CPNE2: variants seen among roughly 807,000 people sequenced by gnomAD.
The protein encoded by CPNE2 is copine-2.
CPNE2 carries 42 observed loss-of-function variants against 69.7 expected under a neutral mutation model. The ratio of observed to expected loss-of-function variants is 0.60; its 90% CI spans 0.47 to 0.78. CPNE2 has a LOEUF of 0.78. Ranked by LOEUF, CPNE2 falls within the 30% of genes least tolerant of loss-of-function variation. The pLI is 0.00. For synonymous variants in CPNE2, 294 were observed against 289.8 expected (o/e 1.01, Z -0.15); for missense variants, 587 against 732.0 (o/e 0.80, Z 2.29).
intron 12 of CPNE2, among the ~76,000 whole-genome samples, chr16:57,133,856 A>G (rs2069856718): frequency 6.6e-6 from 1 of 151,998 alleles, no homozygotes; most frequent in Non-Finnish European, 1.5e-5. Context: ...GTTGTGAGGA[A>G]GGAGTAAGGG....
At chr16:57,126,277 A>G (rs533098080) in intron 11 of CPNE2, among the ~76,000 whole-genome samples, 1 of 152,186 alleles carries the variant, frequency 6.6e-6, no homozygotes, top group African/African-American at 2.4e-5. Context: ...CTCATTCATT[A>G]TTGCTGCATC....
intron 14 of CPNE2, among the ~76,000 whole-genome samples, chr16:57,145,387 G>A (rs2069949730): frequency 6.6e-6 from 1 of 152,218 alleles, no homozygotes; most frequent in Admixed American, 6.5e-5. Flanking sequence ...CTCTTCCGGG[G>A]TGACTTGATG....
Position 57,147,718 on chromosome 16 carries a change from A to G in CPNE2, c.*60A>G. The G allele has an allele frequency of 8.7e-7, 1 of 1,146,630 alleles. No individual in the cohort carries two copies. Among genetic ancestry groups the G allele is most frequent in the Non-Finnish European group, 1.2e-6 (1 of 817,818 alleles). 71.0% of individuals were successfully genotyped at this position (1,146,630 alleles called of 1,614,324 possible). A position where few individuals can be genotyped will look rare whatever the true frequency, so the allele number is the denominator to read the frequency against. Reference sequence around the variant, plus strand: ...CTCCTGCCCTCCCCCAGGAACATGCACGCTCACTCTGCTTCCTTGTGGGTG... The same window carrying G: ...CTCCTGCCCTCCCCCAGGAACATGCGCGCTCACTCTGCTTCCTTGTGGGTG... On this transcript the variant is annotated 3_prime_UTR_variant, in exon 16 of 16. Coordinates refer to ENST00000290776, the MANE Select transcript of CPNE2 (RefSeq NM_152727.6).
chr16:57,128,059 T>C (rs1055197277), intron 12 of CPNE2, among the ~76,000 whole-genome samples, 156 bp downstream of exon 12: 7 of 152,188 alleles, frequency 4.6e-5, no homozygotes, highest in Admixed American at 4.6e-4. Flanking sequence ...AGCCTGATCC[T>C]TGGGCAGGCA....
intron 1 of CPNE2, among the ~76,000 whole-genome samples, chr16:57,093,236 C>T (rs2069555863): frequency 6.6e-6 from 1 of 152,074 alleles, no homozygotes; most frequent in African/African-American, 2.4e-5. Flanking sequence ...AACACCCACC[C>T]CCTGCCCCAG....
At chr16:57,123,342 T>C (rs2069776480) in intron 9 of CPNE2, 72 bp from the exon 10 acceptor site, 1 of 1,513,854 alleles carries the variant, frequency 6.6e-7, no homozygotes, top group African/African-American at 1.4e-5. Flanking sequence ...TTGCAGGACA[T>C]AGAGCAACAA....
intron 12 of CPNE2, 117 bp from the exon 13 acceptor site, chr16:57,134,658 G>A (rs1349217391): frequency 2.9e-6 from 3 of 1,035,040 alleles, no homozygotes; most frequent in African/African-American, 3.1e-5. Flanking sequence ...GAGGAGGGTA[G>A]GGGTGGGGGT....
At position 57,147,977 on chromosome 16, in the gene CPNE2, C is replaced by A; in HGVS notation, c.*319C>A. ...TTTTTACAATCATAACTGGCTTTTT[C>A]CAAGTAACTAGCTGCAGACTCTGAT... is the stretch of plus-strand genomic sequence containing the variant. On this transcript the variant is annotated 3_prime_UTR_variant, in exon 16 of 16. Coordinates refer to ENST00000290776, the MANE Select transcript of CPNE2 (RefSeq NM_152727.6). 4.2e-6 allele frequency: 1 copy of A among 235,684 alleles called. No individual in the cohort carries two copies. The highest frequency in any genetic ancestry group is 2.2e-5 in the African/African-American group (1 of 44,632). The allele number at this position is 235,684 out of a possible 1,614,324, so 14.6% of individuals were successfully genotyped here.
chr16:57,134,270 G>C (rs1294732836), intron 12 of CPNE2, among the ~76,000 whole-genome samples: 3 of 152,202 alleles, frequency 2.0e-5, no homozygotes, highest in Admixed American at 6.5e-5. Flanking sequence ...CGCCAGGTCA[G>C]CTCTGAGTGG....
chr16:57,110,692 A>T lies in CPNE2; in HGVS notation c.-35-16A>T. The T allele has an allele frequency of 6.8e-7, 1 of 1,477,418 alleles. No individual in the cohort carries two copies. Among genetic ancestry groups the T allele is most frequent in the Non-Finnish European group, 9.1e-7 (1 of 1,104,606 alleles). The allele number at this position is 1,477,418 out of a possible 1,614,324, so 91.5% of individuals were successfully genotyped here. A position where few individuals can be genotyped will look rare whatever the true frequency, so the allele number is the denominator to read the frequency against. ...GGTGTCTGTCCACTCTCTGACCCTC[A>T]CTTCTGTTCCCCTAGACTGCCAGGA... On this transcript the variant is annotated splice_polypyrimidine_tract_variant and intron_variant, in intron 1 of 15. Transcript: ENST00000290776.
Position 57,098,482 on chromosome 16 carries a change from G to T in CPNE2, c.-36+5692G>T, listed in dbSNP as rs557221369. ...AGGGCCCCAGAGAATAAGGCTTGTG[G>T]CTGGACCCTGCCCACCAGAACCAGG... On this transcript the variant is annotated intron_variant, in intron 1 of 15. Coordinates refer to ENST00000290776, the MANE Select transcript of CPNE2 (RefSeq NM_152727.6). Among the ~76,000 whole-genome samples, 5 of 152,328 alleles carry T rather than the reference G, an allele frequency of 3.3e-5. No individual in the cohort carries two copies. The South Asian group carries it at 1.0e-3, about 32-fold the overall frequency.
intron 5 of CPNE2, among the ~76,000 whole-genome samples, chr16:57,118,952 G>A (rs1353666227): frequency 6.6e-6 from 1 of 152,000 alleles, no homozygotes; most frequent in Non-Finnish European, 1.5e-5. Flanking sequence ...GGGTCTCTGA[G>A]CACAAGCTCT....
At chr16:57,093,742 G>T (rs2069560091) in intron 1 of CPNE2, among the ~76,000 whole-genome samples, 1 of 152,208 alleles carries the variant, frequency 6.6e-6, no homozygotes, top group Non-Finnish European at 1.5e-5. Flanking sequence ...GTCTGCCTTA[G>T]TTTTTTGCTC....
intron 5 of CPNE2, among the ~76,000 whole-genome samples, chr16:57,118,408 T>G (rs2069736264): frequency 6.6e-6 from 1 of 151,530 alleles, no homozygotes; most frequent in South Asian, 2.1e-4. Context: ...CTCCTGACCT[T>G]GTGATCCGCC....
intron 3 of CPNE2, among the ~76,000 whole-genome samples, chr16:57,114,223 C>T (rs1193579705): frequency 1.3e-5 from 2 of 152,146 alleles, no homozygotes; most frequent in Non-Finnish European, 1.5e-5. Flanking sequence ...GAGAAGAGAG[C>T]TTAAGGGCTT....
chr16:57,119,059 G>A, intron 5 of CPNE2, 136 bp from the exon 6 acceptor site: 2 of 731,004 alleles, frequency 2.7e-6, no homozygotes, highest in Non-Finnish European at 4.7e-6. Flanking sequence ...CAGAGTCTGA[G>A]GGGAGGGGGC....
At chr16:57,105,550 C>T (rs559204127) in intron 1 of CPNE2, among the ~76,000 whole-genome samples, 2 of 152,258 alleles carry the variant, frequency 1.3e-5, no homozygotes, top group African/African-American at 4.8e-5. Context: ...ATTCTTCCAC[C>T]TCAGCCTCCC....
intron 9 of CPNE2, among the ~76,000 whole-genome samples, chr16:57,122,224 T>C (rs1597498343): frequency 6.6e-6 from 1 of 152,134 alleles, no homozygotes; most frequent in Non-Finnish European, 1.5e-5. Flanking sequence ...AGGCTGTGGG[T>C]GGGGGCCAGA....
Position 57,119,231 on chromosome 16 carries a change from T to G in CPNE2, c.544T>G (p.Tyr182Asp). Reference sequence around the variant, plus strand: ...GAAGTCAGACCCCTTTCTGGAGTTTTATAAGCCAGGAGACGATGGCAAGTG... The same window carrying G: ...GAAGTCAGACCCCTTTCTGGAGTTTGATAAGCCAGGAGACGATGGCAAGTG... ...FGKSDPFLEF[Y>D]KPGDDGKWML... Residue 182 changes from tyrosine to aspartate, a missense_variant, in exon 6 of 16, where the codon TAT becomes GAT. Around this residue, in one of 5 missense-constraint regions of CPNE2, gnomAD observed 269 missense variants for 300.5 expected, o/e 0.90. Transcript: ENST00000290776. 1 of 1,614,154 alleles carries G rather than the reference T, an allele frequency of 6.2e-7. No homozygotes were observed. The highest frequency in any genetic ancestry group is 8.5e-7 in the Non-Finnish European group (1 of 1,180,012).
Sources: gnomAD v4.1 joint callset for allele counts (sites outside exome capture counted in the v4.1 genomes callset) on GRCh38, gnomAD v4.1.1 for gene constraint, gnomAD v4.1.1 regional missense constraint, MANE v1.5 for transcripts, NCBI Gene and HGNC (gene_info 2026-07-23, HGNC 2026-07-21) for gene names.